The following CTNNBL1 variants were observed in gnomAD, a reference collection of about 807,000 sequenced individuals.
The protein encoded by CTNNBL1 is beta-catenin-like protein 1.
Under a neutral mutation model 72.7 loss-of-function variants are expected in CTNNBL1, and 31 were observed. The ratio of observed to expected loss-of-function variants is 0.43; its 90% confidence interval spans 0.32 to 0.58. The LOEUF is 0.58. Ranked by LOEUF, CTNNBL1 falls within the 20% of genes least tolerant of loss-of-function variation. The pLI, the probability that CTNNBL1 is intolerant of heterozygous loss-of-function variation, is 0.08. For missense variants in CTNNBL1, 534 were observed against 725.1 expected (o/e 0.74, Z 3.03); for synonymous variants, 240 against 267.3 (o/e 0.90, Z 1.00).
intron 10 of CTNNBL1, among the ~76,000 whole-genome samples, chr20:37,802,405 A>G (rs1050980158): frequency 5.3e-5 from 8 of 152,216 alleles, no homozygotes; most frequent in Non-Finnish European, 1.0e-4. Context: ...GGGCAATGAA[A>G]ATGTTTTATA....
At chr20:37,719,691 T>C (rs1250494015) in intron 1 of CTNNBL1, among the ~76,000 whole-genome samples, 2 of 152,212 alleles carry the variant, frequency 1.3e-5, no homozygotes, top group East Asian at 3.9e-4. Flanking sequence ...TTTTTAAATG[T>C]AATAACCTTA....
chr20:37,718,083 C>T (rs1014402625), intron 1 of CTNNBL1, among the ~76,000 whole-genome samples: 59 of 152,328 alleles, frequency 3.9e-4, no homozygotes, highest in Middle Eastern at 3.4e-3. Flanking sequence ...TCCACAAAAC[C>T]GCCATTGTCA....
At chr20:37,858,261 T>TG (rs769527400) in intron 13 of CTNNBL1, among the ~76,000 whole-genome samples, 6 of 152,204 alleles carry the variant, frequency 3.9e-5, no homozygotes, top group Non-Finnish European at 8.8e-5. Flanking sequence ...TGCATAGATG[T>TG]GTACTGAGCT....
intron 11 of CTNNBL1, among the ~76,000 whole-genome samples, chr20:37,821,300 G>A (rs1339357953): frequency 1.3e-5 from 2 of 152,246 alleles, no homozygotes; most frequent in Admixed American, 6.5e-5. Flanking sequence ...CCACTCAGCT[G>A]TGAGCTCCGC....
chr20:37,701,827 C>T (rs150359840), intron 1 of CTNNBL1, among the ~76,000 whole-genome samples: 500 of 151,084 alleles, frequency 3.3e-3, no homozygotes, highest in East Asian at 0.013. Flanking sequence ...ATCTCAGCTG[C>T]AGATGTGTGG....
intron 11 of CTNNBL1, among the ~76,000 whole-genome samples, chr20:37,832,913 C>G (rs963379721): frequency 3.3e-5 from 5 of 151,960 alleles, no homozygotes; most frequent in Non-Finnish European, 7.4e-5. Context: ...TCTGGAAAGA[C>G]CTCTGATTTG....
Position 37,732,884 on chromosome 20 carries a change from T to C in CTNNBL1, c.36T>C (p.Asn12=), listed in dbSNP as rs747463945. The C allele has an allele frequency of 3.1e-6, 5 of 1,613,214 alleles. No homozygotes were observed. Among genetic ancestry groups the C allele is most frequent in the African/African-American group, 1.3e-5 (1 of 74,862 alleles). The stretch of plus-strand genomic sequence containing the variant: ...TTATGTTTCTTTTCTCTCAGCCCAA[T>C]AGGGGCACAAAACGTCCCCGGGATG... ...DVGELLSYQP[N]RGTKRPRDDE... The change falls in exon 2 of 16, where the codon AAT becomes AAC. Residue 12 remains asparagine (N), a synonymous_variant. Coordinates refer to ENST00000361383, the MANE Select transcript of CTNNBL1 (RefSeq NM_030877.5).
At chr20:37,725,568 G>A (rs953133034) in intron 1 of CTNNBL1, among the ~76,000 whole-genome samples, 10 of 134,956 alleles carry the variant, frequency 7.4e-5, no homozygotes, top group Non-Finnish European at 1.4e-4. Flanking sequence ...CAAAGTGCTG[G>A]CATTACAGGC....
At chr20:37,797,534 T>A (rs1170425609) in intron 10 of CTNNBL1, among the ~76,000 whole-genome samples, 1 of 152,160 alleles carries the variant, frequency 6.6e-6, no homozygotes, top group Admixed American at 6.5e-5. Flanking sequence ...ATAGATTTGA[T>A]GACTCTTTCA....
chr20:37,860,418 T>A, intron 15 of CTNNBL1, 74 bp downstream of exon 15: 1 of 1,209,674 alleles, frequency 8.3e-7, no homozygotes, highest in Non-Finnish European at 1.2e-6. Context: ...TCTGTCAGTA[T>A]CCCTGGTATT....
chr20:37,700,139 C>T (rs549159888), intron 1 of CTNNBL1, among the ~76,000 whole-genome samples: 3 of 152,272 alleles, frequency 2.0e-5, no homozygotes, highest in African/African-American at 7.2e-5. Flanking sequence ...TTTAATCCCA[C>T]TTTTATCATT....
intron 10 of CTNNBL1, among the ~76,000 whole-genome samples, chr20:37,800,697 A>G (rs1236725588): frequency 6.6e-6 from 1 of 152,200 alleles, no homozygotes; most frequent in African/African-American, 2.4e-5. Flanking sequence ...GCAATCTCAG[A>G]ACCAACATGT....
At chr20:37,718,695 A>G (rs1455995882) in intron 1 of CTNNBL1, among the ~76,000 whole-genome samples, 1 of 152,256 alleles carries the variant, frequency 6.6e-6, no homozygotes, top group Admixed American at 6.5e-5. Flanking sequence ...ATTTAGACAG[A>G]TGACACTAGA....
At chr20:37,756,054 A>G (rs1305028327) in intron 4 of CTNNBL1, among the ~76,000 whole-genome samples, 1 of 151,740 alleles carries the variant, frequency 6.6e-6, no homozygotes, top group East Asian at 1.9e-4. Flanking sequence ...CTCTGCTTTT[A>G]TTCCTTTGGT....
intron 3 of CTNNBL1, among the ~76,000 whole-genome samples, chr20:37,744,000 A>G (rs1278224840): frequency 2.0e-5 from 3 of 152,024 alleles, no homozygotes; most frequent in Non-Finnish European, 2.9e-5. Flanking sequence ...CCTTTATGTC[A>G]AAAAGCACAA....
chr20:37,703,392 T>A (rs2072859768), intron 1 of CTNNBL1, among the ~76,000 whole-genome samples: 1 of 152,238 alleles, frequency 6.6e-6, no homozygotes, highest in Non-Finnish European at 1.5e-5. Context: ...GGTCAGCTAT[T>A]TTGTAGAATG....
At chr20:37,734,018 C>CT (rs1473719281) in intron 2 of CTNNBL1, among the ~76,000 whole-genome samples, 3 of 152,124 alleles carry the variant, frequency 2.0e-5, no homozygotes, top group Admixed American at 1.3e-4. Flanking sequence ...CTTTTTAAAT[C>CT]TTTAAGTGTT....
chr20:37,771,235 C>T (rs1233785825), intron 7 of CTNNBL1, among the ~76,000 whole-genome samples: 1 of 152,200 alleles, frequency 6.6e-6, no homozygotes, highest in African/African-American at 2.4e-5. Context: ...TGGAACTGAA[C>T]AAATACAGAT....
At chr20:37,713,911 A>G (rs993855769) in intron 1 of CTNNBL1, among the ~76,000 whole-genome samples, 3 of 152,080 alleles carry the variant, frequency 2.0e-5, no homozygotes, top group Non-Finnish European at 4.4e-5. Context: ...GTGTTATCCC[A>G]TCTCATCCTA....
Sources: gnomAD v4.1 joint callset for allele counts (sites outside exome capture counted in the v4.1 genomes callset) on GRCh38, gnomAD v4.1.1 for gene constraint, MANE v1.5 for transcripts, NCBI Gene and HGNC (gene_info 2026-07-23, HGNC 2026-07-21) for gene names.